GABARAPL2: variants seen among roughly 807,000 people sequenced by gnomAD.
GABARAPL2 encodes GABA type A receptor associated protein like 2.
Under a neutral mutation model 16.9 loss-of-function variants are expected in GABARAPL2, and 11 were observed. That is an observed-to-expected ratio of 0.65 (90% CI 0.41 to 1.08). The LOEUF is 1.08. GABARAPL2 is among the 50% of genes least tolerant of loss of function. The pLI is 0.00. For synonymous variants in GABARAPL2, 57 were observed against 50.7 expected, an observed-to-expected ratio of 1.12 and a Z score of -0.53; for missense variants, 134 against 142.5, an observed-to-expected ratio of 0.94 and a Z score of 0.30.
intron 3 of GABARAPL2, among the ~76,000 whole-genome samples, chr16:75,569,476 G>A (rs2080902642): frequency 6.6e-6 from 1 of 152,212 alleles, no homozygotes; most frequent in Admixed American, 6.5e-5. Flanking sequence ...AGGGGAGGAA[G>A]CCTTGGGCAT....
At chr16:75,567,955 C>G in intron 2 of GABARAPL2, 82 bp from the exon 3 acceptor site, 1 of 1,076,240 alleles carries the variant, frequency 9.3e-7, no homozygotes, top group Non-Finnish European at 1.4e-6. Flanking sequence ...CTTGCCCACA[C>G]TCTGTTCATC....
chr16:75,571,868 G>T (rs2080916729), intron 3 of GABARAPL2, among the ~76,000 whole-genome samples: 2 of 151,900 alleles, frequency 1.3e-5, no homozygotes, highest in Admixed American at 1.3e-4. Context: ...AGTAGAGACG[G>T]GTTTTACCAT....
At chr16:75,574,660 C>G (rs952324399) in intron 3 of GABARAPL2, among the ~76,000 whole-genome samples, 2 of 152,160 alleles carry the variant, frequency 1.3e-5, no homozygotes, top group South Asian at 2.1e-4. Context: ...GCTTGTCACT[C>G]TACTTCCTAA....
At chr16:75,570,579 G>A (rs1387063035) in intron 3 of GABARAPL2, among the ~76,000 whole-genome samples, 1 of 152,196 alleles carries the variant, frequency 6.6e-6, no homozygotes, top group African/African-American at 2.4e-5. Flanking sequence ...TGACTGGTCT[G>A]CATGAAGATC....
chr16:75,567,286 C>T (rs1008528642), intron 2 of GABARAPL2, among the ~76,000 whole-genome samples: 16 of 152,216 alleles, frequency 1.1e-4, no homozygotes, highest in Non-Finnish European at 2.1e-4. Flanking sequence ...TCATCTTTTA[C>T]TTTGTCTCCA....
chr16:75,575,170 C>T (rs1325230864), intron 3 of GABARAPL2, among the ~76,000 whole-genome samples: 3 of 152,154 alleles, frequency 2.0e-5, no homozygotes, highest in Non-Finnish European at 4.4e-5. Context: ...GGCGTTGTTC[C>T]TCCCTCTACC....
rs888395824 is a variant in GABARAPL2, at chr16:75,566,622, C to T, written c.34+102C>T. On this transcript the variant is annotated intron_variant, in intron 1 of 3. Coordinates refer to ENST00000037243, the MANE Select transcript of GABARAPL2 (RefSeq NM_007285.7). Reference sequence around the variant, plus strand: ...GGGCCGAGTGGAGCGGGGCGGATGCCCTGCTGCGGGCTGGAGTCGCCCATG... The same window carrying T: ...GGGCCGAGTGGAGCGGGGCGGATGCTCTGCTGCGGGCTGGAGTCGCCCATG... 1.5e-5 allele frequency: 20 copies of T among 1,353,424 alleles called. No homozygotes were observed. In the Admixed American group the frequency reaches 2.7e-4, roughly 19 times the overall value. 83.8% of individuals were successfully genotyped at this position (1,353,424 alleles called of 1,614,324 possible). A position where few individuals can be genotyped will look rare whatever the true frequency, so the allele number is the denominator to read the frequency against.
chr16:75,572,924 C>T (rs1370284927), intron 3 of GABARAPL2, among the ~76,000 whole-genome samples: 1 of 152,232 alleles, frequency 6.6e-6, no homozygotes, highest in Non-Finnish European at 1.5e-5. Flanking sequence ...CAGGTGTTCT[C>T]TACAGCCACC....
At chr16:75,574,378 A>G (rs903675785) in intron 3 of GABARAPL2, among the ~76,000 whole-genome samples, 11 of 152,224 alleles carry the variant, frequency 7.2e-5, no homozygotes, top group African/African-American at 2.2e-4. Context: ...ATTGCACACA[A>G]TGTCTGCTAC....
chr16:75,567,030 GC>G, intron 2 of GABARAPL2, 123 bp downstream of exon 2: 2 of 861,698 alleles, frequency 2.3e-6, no homozygotes, highest in Non-Finnish European at 3.7e-6. Context: ...TAGCTGACGG[GC>G]CAGACCGGGA....
chr16:75,568,640 T>C (rs138984670), intron 3 of GABARAPL2, among the ~76,000 whole-genome samples: 103 of 152,346 alleles, frequency 6.8e-4, no homozygotes, highest in African/African-American at 2.4e-3. Flanking sequence ...GTCAACTCTT[T>C]GACATTGTAA....
rs1414671736 is a variant in GABARAPL2 at position 75,566,387 on chromosome 16, C to A, written c.-100C>A. The A allele has an allele frequency of 2.3e-6, 2 of 878,112 alleles. No individual in the cohort carries two copies. Among genetic ancestry groups the A allele is most frequent in the South Asian group, 1.4e-5 (1 of 69,106 alleles). The allele number at this position is 878,112 out of a possible 1,614,324, so 54.4% of individuals were successfully genotyped here. On this transcript the variant is annotated 5_prime_UTR_variant, in exon 1 of 4. Coordinates refer to ENST00000037243, the MANE Select transcript of GABARAPL2 (RefSeq NM_007285.7). ...AGTCCCGCCTGCCGTGTAGTCGCCG[C>A]CGTCGCTGCCGCTGCCGCTGCCGCC...
In GABARAPL2 at chr16:75,568,041, T is replaced by C. The variant is rs2080894559; in HGVS notation, c.95T>C (p.Ile32Thr). ...GACCTCTCTTTACTTTCCCAGGTGATTGTGGAAAAGGTCTCAGGCTCTCAG... is the reference window on the plus strand; with the variant it reads ...GACCTCTCTTTACTTTCCCAGGTGACTGTGGAAAAGGTCTCAGGCTCTCAG... ...RAKYPDRVPVIVEKVSGSQIV... is the reference protein window; with the variant it reads ...RAKYPDRVPVTVEKVSGSQIV... Residue 32 changes from isoleucine (I) to threonine (T), a missense_variant, in exon 3 of 4, where the codon ATT becomes ACT. Coordinates refer to ENST00000037243, the MANE Select transcript of GABARAPL2 (RefSeq NM_007285.7). 3.1e-6 allele frequency: 5 copies of C among 1,598,976 alleles called. No individual in the cohort carries two copies. The highest frequency in any genetic ancestry group is 1.7e-5 in the Admixed American group (1 of 59,784).
chr16:75,568,668 A>G (rs1403976533), intron 3 of GABARAPL2, among the ~76,000 whole-genome samples: 1 of 152,190 alleles, frequency 6.6e-6, no homozygotes, highest in African/African-American at 2.4e-5. Flanking sequence ...TAGCTGCCTG[A>G]TCCTCAAGTC....
chr16:75,566,971 C>G, intron 2 of GABARAPL2, 64 bp downstream of exon 2: 1 of 1,322,772 alleles, frequency 7.6e-7, no homozygotes, highest in South Asian at 1.2e-5. Context: ...CGTGATAGGC[C>G]CCAGGCCATT....
At chr16:75,568,688 G>C (rs1464377446) in intron 3 of GABARAPL2, among the ~76,000 whole-genome samples, 2 of 152,220 alleles carry the variant, frequency 1.3e-5, no homozygotes, top group African/African-American at 4.8e-5. Context: ...CTGACAAAAT[G>C]ACTGCGGCAC....
In GABARAPL2 at chr16:75,577,423, C is replaced by A; in HGVS notation, c.*54C>A. 1 of 995,672 alleles carries A rather than the reference C, an allele frequency of 1.0e-6. No homozygotes were observed. Among genetic ancestry groups the A allele is most frequent in the Non-Finnish European group, 1.6e-6 (1 of 615,652 alleles). 61.7% of individuals were successfully genotyped at this position (995,672 alleles called of 1,614,324 possible). ...ACTGCTTGTGTATCTTGTAAATAGC[C>A]AGCCATTTTCAGTTATTATACCAGA... On this transcript the variant is annotated 3_prime_UTR_variant, in exon 4 of 4. Transcript: ENST00000037243.
intron 3 of GABARAPL2, among the ~76,000 whole-genome samples, chr16:75,574,404 C>T (rs2151719733): frequency 6.6e-6 from 1 of 152,302 alleles, no homozygotes; most frequent in Non-Finnish European, 1.5e-5. Context: ...CTAAACCCAT[C>T]TGGTAGTGGC....
rs11556294 is a variant in GABARAPL2, at chr16:75,566,872, G to A, written c.55G>A (p.Ala19Thr). ...HSLEHRCVES[A>T]KIRAKYPDRV... ...CACAGAACACAGATGCGTGGAGTCCGCGAAGATTCGAGCGAAATATCCCGA... is the reference window on the plus strand; with the variant it reads ...CACAGAACACAGATGCGTGGAGTCCACGAAGATTCGAGCGAAATATCCCGA... The change falls in exon 2 of 4, where the codon GCG (alanine) becomes ACG (threonine). Residue 19 changes from alanine (A) to threonine (T), a missense_variant. Physicochemically the swap from Ala to Thr is moderately conservative, Grantham distance 58 (BLOSUM62 0). Transcript: ENST00000037243. 4 of 1,613,518 alleles carry A rather than the reference G, an allele frequency of 2.5e-6. 1 individual carries two copies. The Middle Eastern group carries it at 4.9e-4, about 200-fold the overall frequency.
Sources: allele counts gnomAD v4.1 joint callset (sites outside exome capture counted in the v4.1 genomes callset), GRCh38; gene constraint gnomAD v4.1.1; transcripts MANE v1.5; gene names NCBI Gene and HGNC (gene_info 2026-07-23, HGNC 2026-07-21).